The following FBLN1 variants were observed in gnomAD, a reference collection of about 807,000 sequenced individuals.
FBLN1 encodes fibulin 1.
In FBLN1, 34 loss-of-function variants were observed where a neutral mutation model predicts 89.7. That is an observed-to-expected ratio of 0.38 (90% CI 0.29 to 0.50). The LOEUF is 0.50. FBLN1 is among the 20% of genes least tolerant of loss of function. FBLN1 has a pLI of 0.92. For missense variants in FBLN1, 777 were observed against 988.1 expected (o/e 0.79, Z 2.86); for synonymous variants, 393 against 391.3 (o/e 1.00, Z -0.05).
chr22:45,544,110 G>T (rs184791256), intron 11 of FBLN1, among the ~76,000 whole-genome samples: 233 of 151,132 alleles, frequency 1.5e-3, no homozygotes, highest in African/African-American at 5.5e-3. Context: ...TTTTTGAGAC[G>T]GAGTCTCGCT....
chr22:45,533,963 G>A (rs2088446966), intron 7 of FBLN1, 65 bp downstream of exon 7: 3 of 1,603,832 alleles, frequency 1.9e-6, no homozygotes, highest in Non-Finnish European at 2.6e-6. Context: ...CGGTGGGAAG[G>A]GCAGCTCTGG....
chr22:45,599,687 G>A (rs1367424428), intron 16 of FBLN1, among the ~76,000 whole-genome samples: 2 of 152,176 alleles, frequency 1.3e-5, no homozygotes, highest in Non-Finnish European at 2.9e-5. Flanking sequence ...GGAGGCCAAA[G>A]CGGGTGGATC....
At position 45,532,363 on chromosome 22, in the gene FBLN1, G is replaced by A. The variant is rs1237562817; in HGVS notation, c.545-700G>A. 6.6e-6 allele frequency among the ~76,000 whole-genome samples: 1 copy of A among 152,152 alleles called. No individual in the cohort carries two copies. Among genetic ancestry groups the A allele is most frequent in the Non-Finnish European group, 1.5e-5 (1 of 68,020 alleles). On this transcript the variant is annotated intron_variant, in intron 5 of 16. Transcript: ENST00000327858. This position sits in a 1 kb window ranked among gnomAD's most constrained non-coding sequence, Gnocchi z 4.2. ...GACCTGAAGCCTTGTAAAGGGCACG[G>A]ACCCACTGTAGCAGGGTACTGGGAG...
At chr22:45,507,980 G>C (rs2088045949) in intron 1 of FBLN1, among the ~76,000 whole-genome samples, 1 of 152,164 alleles carries the variant, frequency 6.6e-6, no homozygotes, top group African/African-American at 2.4e-5. Context: ...GCGTGTGATA[G>C]GTTGAGGATG....
chr22:45,584,947 T>C (rs1251530820), intron 16 of FBLN1, among the ~76,000 whole-genome samples: 2 of 152,228 alleles, frequency 1.3e-5, no homozygotes, highest in Non-Finnish European at 2.9e-5. Flanking sequence ...CTGGGGTACT[T>C]TTCTATGCCA....
At chr22:45,518,117 G>A (rs1197785823) in intron 1 of FBLN1, among the ~76,000 whole-genome samples, 10 of 125,946 alleles carry the variant, frequency 7.9e-5, no homozygotes, top group African/African-American at 3.1e-4. Context: ...GGGCGACAGA[G>A]ACTCTGTCTC....
chr22:45,533,103 C>T lies in FBLN1; in HGVS notation c.585C>T (p.Asp195=), dbSNP rs111525433. The T allele has an allele frequency of 2.7e-5, 44 of 1,614,150 alleles. No homozygotes were observed. The African/African-American group carries it at 4.1e-4, about 15-fold the overall frequency. Residue 195 remains aspartate (D), a synonymous_variant, in exon 6 of 17, where the codon GAC becomes GAT. Coordinates refer to ENST00000327858, the MANE Select transcript of FBLN1 (RefSeq NM_006486.3). ...PCKQQCRDTG[D]EVVCSCFVGY... is the part of the protein sequence containing the mutation. ...AGCAGCAGTGCCGAGACACGGGTGACGAGGTGGTCTGCTCCTGCTTCGTGG... is the reference window on the plus strand; with the variant it reads ...AGCAGCAGTGCCGAGACACGGGTGATGAGGTGGTCTGCTCCTGCTTCGTGG...
intron 14 of FBLN1, among the ~76,000 whole-genome samples, chr22:45,552,708 A>T (rs1293451650): frequency 6.6e-6 from 1 of 152,012 alleles, no homozygotes; most frequent in East Asian, 1.9e-4. Flanking sequence ...CTCCACTCAG[A>T]CGGCTTCCAT....
intron 14 of FBLN1, among the ~76,000 whole-genome samples, chr22:45,570,724 AGAG>A (rs1368244865): frequency 6.6e-6 from 1 of 152,244 alleles, no homozygotes; most frequent in Non-Finnish European, 1.5e-5. Context: ...AAATTAAAAA[AGAG>A]ATTTGAAATT....
At chr22:45,517,902 T>C (rs1011921660) in intron 1 of FBLN1, among the ~76,000 whole-genome samples, 1 of 152,134 alleles carries the variant, frequency 6.6e-6, no homozygotes, top group African/African-American at 2.4e-5. Context: ...AGGCCATGGC[T>C]GGCCAATCAC....
chr22:45,542,123 T>C (rs1466799751), intron 9 of FBLN1, 32 bp from the exon 10 acceptor site: 3 of 1,613,850 alleles, frequency 1.9e-6, no homozygotes, highest in African/African-American at 2.7e-5. Flanking sequence ...AAACTAAAGG[T>C]TTTCATCATG....
At chr22:45,540,326 C>T (rs556950771) in intron 8 of FBLN1, among the ~76,000 whole-genome samples, 31 of 152,272 alleles carry the variant, frequency 2.0e-4, no homozygotes, top group African/African-American at 4.3e-4. Context: ...CTGTGGTGCT[C>T]GAGAGCGGTC....
intron 14 of FBLN1, among the ~76,000 whole-genome samples, chr22:45,559,274 C>G (rs574482018): frequency 6.6e-6 from 1 of 152,190 alleles, no homozygotes; most frequent in Non-Finnish European, 1.5e-5. Context: ...GTTAAACTTA[C>G]GATAATCCGC....
At position 45,535,105 on chromosome 22, in the gene FBLN1, C is replaced by A. The variant is rs975645098; in HGVS notation, c.785-95C>A. The A allele has an allele frequency of 2.9e-6, 4 of 1,389,782 alleles. No homozygotes were observed. The African/African-American group carries it at 4.3e-5, about 15-fold the overall frequency. The allele number at this position is 1,389,782 out of a possible 1,614,324, so 86.1% of individuals were successfully genotyped here. ...GTTTTGGGTTATAGTCTGAGTAATG[C>A]GCATTAGAAAAAAGCTTTCTTGTGA... On this transcript the variant is annotated intron_variant, in intron 7 of 16. Transcript: ENST00000327858.
intron 14 of FBLN1, among the ~76,000 whole-genome samples, chr22:45,553,755 C>T (rs2088737122): frequency 6.6e-6 from 1 of 152,172 alleles, no homozygotes; most frequent in Admixed American, 6.5e-5. Flanking sequence ...GAGGGGGAGC[C>T]TCCAGGGGAG....
chr22:45,502,963 C>T lies in FBLN1; in HGVS notation c.-23C>T. 4 of 1,105,050 alleles carry T rather than the reference C, an allele frequency of 3.6e-6. No homozygotes were observed. The South Asian group carries it at 1.2e-4, about 33-fold the overall frequency. 68.5% of individuals were successfully genotyped at this position (1,105,050 alleles called of 1,614,324 possible). On this transcript the variant is annotated 5_prime_UTR_variant, in exon 1 of 17. Transcript: ENST00000327858. The stretch of plus-strand genomic sequence containing the variant: ...CGCCCGCGCCTTTGTCCGCCGCCGC[C>T]CACCGCCCGTCGCCCGCCGCCCATG...
At chr22:45,559,938 G>T (rs1158568387) in intron 14 of FBLN1, among the ~76,000 whole-genome samples, 1 of 152,212 alleles carries the variant, frequency 6.6e-6, no homozygotes, top group Non-Finnish European at 1.5e-5. Context: ...ACTGGTTCAA[G>T]TCTGGAAATT....
intron 14 of FBLN1, among the ~76,000 whole-genome samples, chr22:45,554,301 A>T (rs1444654605): frequency 6.6e-6 from 1 of 152,196 alleles, no homozygotes; most frequent in African/African-American, 2.4e-5. Context: ...CTTTGGTCAT[A>T]GCTCCTCAGA....
rs553681884 is a variant in FBLN1, at chr22:45,583,276, G to A, written c.1972+6168G>A. 2.6e-5 allele frequency among the ~76,000 whole-genome samples: 4 copies of A among 152,294 alleles called. No homozygotes were observed. Among genetic ancestry groups the A allele is most frequent in the African/African-American group, 7.2e-5 (3 of 41,566 alleles). ...CTCAGCTGCTGCAGGATTCCTTAGA[G>A]AAGCTGAAGGGTTTGGGTCCTCAGC... On this transcript the variant is annotated intron_variant, in intron 16 of 16. Coordinates refer to ENST00000327858, the MANE Select transcript of FBLN1 (RefSeq NM_006486.3). This position sits in a 1 kb window ranked among gnomAD's most constrained non-coding sequence, Gnocchi z 4.5.
Sources: gnomAD v4.1 joint callset for allele counts (sites outside exome capture counted in the v4.1 genomes callset) on GRCh38, gnomAD v4.1.1 for gene constraint, Gnocchi (gnomAD v3.1) non-coding constraint, MANE v1.5 for transcripts, NCBI Gene and HGNC (gene_info 2026-07-23, HGNC 2026-07-21) for gene names.